Variants in NKAIN2 observed in about 807,000 individuals in gnomAD.
The protein encoded by NKAIN2 is sodium/potassium transporting ATPase interacting 2, also known as sodium/potassium-transporting ATPase subunit beta-1-interacting protein 2.
Under a neutral mutation model 32.6 loss-of-function variants are expected in NKAIN2, and 14 were observed. That is an observed-to-expected ratio of 0.43 (90% confidence interval 0.28 to 0.67). The LOEUF is 0.67. Among genes scored for constraint, NKAIN2 ranks in the 30% least tolerant of loss-of-function variants. The probability of loss-of-function intolerance (pLI) is 0.17; values close to 1 mark genes in which losing one functional copy is unlikely to be tolerated. For missense variants in NKAIN2, 198 were observed against 258.3 expected, an observed-to-expected ratio of 0.77 and a Z score of 1.60; for synonymous variants, 80 against 87.2, an observed-to-expected ratio of 0.92 and a Z score of 0.46.
At chr6:124,394,002 G>A (rs1007218578) in intron 3 of NKAIN2, among the ~76,000 whole-genome samples, 3 of 152,088 alleles carry the variant, frequency 2.0e-5, no homozygotes, top group Admixed American at 1.3e-4. Flanking sequence ...GACTTATTGA[G>A]TTTAAAGTCT....
At chr6:124,059,848 T>C (rs1310421894) in intron 1 of NKAIN2, among the ~76,000 whole-genome samples, 1 of 152,172 alleles carries the variant, frequency 6.6e-6, no homozygotes, top group Admixed American at 6.6e-5. Context: ...GCTCCTATTA[T>C]CTTTGCTTAT....
chr6:124,126,675 A>G (rs1280120494), intron 1 of NKAIN2, among the ~76,000 whole-genome samples: 1 of 152,228 alleles, frequency 6.6e-6, no homozygotes, highest in African/African-American at 2.4e-5. Context: ...TAATCCCAGC[A>G]TTTTGGGAGG....
intron 1 of NKAIN2, among the ~76,000 whole-genome samples, chr6:124,086,591 A>G (rs112762661): frequency 6.6e-6 from 1 of 152,070 alleles, no homozygotes; most frequent in Non-Finnish European, 1.5e-5. Flanking sequence ...TAAGAAGTCT[A>G]GTTAAAACAC....
rs1041335615 is a variant in NKAIN2, at chr6:123,804,074, C to G, written c.-127C>G. 1.5e-5 allele frequency: 13 copies of G among 864,938 alleles called. 1 individual carries two copies. In the Admixed American group the frequency reaches 1.5e-4, roughly 10 times the overall value. The allele number at this position is 864,938 out of a possible 1,614,324, so 53.6% of individuals were successfully genotyped here. A position where few individuals can be genotyped will look rare whatever the true frequency, so the allele number is the denominator to read the frequency against. On this transcript the variant is annotated 5_prime_UTR_variant, in exon 1 of 7. Coordinates refer to ENST00000368417, the MANE Select transcript of NKAIN2 (RefSeq NM_001040214.3). Reference sequence around the variant, plus strand: ...TCACTTCCCAGGACGCTGGCAGCAGCAGCAGCCCGGAGCCCCCGAGCCCTC... The same window carrying G: ...TCACTTCCCAGGACGCTGGCAGCAGGAGCAGCCCGGAGCCCCCGAGCCCTC...
chr6:123,842,758 A>G (rs933103964), intron 1 of NKAIN2, among the ~76,000 whole-genome samples: 1 of 152,110 alleles, frequency 6.6e-6, no homozygotes, highest in African/African-American at 2.4e-5. Context: ...GAAACTAGGA[A>G]CAGCTAAAGA....
chr6:123,928,059 A>G (rs558303254), intron 1 of NKAIN2, among the ~76,000 whole-genome samples: 5 of 152,302 alleles, frequency 3.3e-5, no homozygotes, highest in Admixed American at 6.5e-5. Flanking sequence ...ATGGCATACT[A>G]TGCAGCCACA....
intron 4 of NKAIN2, among the ~76,000 whole-genome samples, chr6:124,731,639 G>T (rs1306849894): frequency 6.6e-6 from 1 of 151,002 alleles, no homozygotes; most frequent in Non-Finnish European, 1.5e-5. Flanking sequence ...CAGTGCACCA[G>T]CATGGCACAT....
chr6:124,727,315 G>A (rs549496762), intron 4 of NKAIN2, among the ~76,000 whole-genome samples: 145 of 152,136 alleles, frequency 9.5e-4, no homozygotes, highest in Admixed American at 3.5e-3. Flanking sequence ...GAGAAAGGTC[G>A]GGTTACCCTC....
chr6:124,377,314 T>C (rs1370869120), intron 3 of NKAIN2, among the ~76,000 whole-genome samples: 2 of 152,214 alleles, frequency 1.3e-5, no homozygotes, highest in Admixed American at 6.5e-5. Context: ...ATCAATTACA[T>C]GGCCTGGGCC....
At chr6:124,147,724 G>A (rs1288386517) in intron 1 of NKAIN2, among the ~76,000 whole-genome samples, 1 of 152,074 alleles carries the variant, frequency 6.6e-6, no homozygotes, top group Non-Finnish European at 1.5e-5. Context: ...CAGCTGATAC[G>A]TGTTTGCTGT....
At chr6:124,814,073 A>G (rs1327397153) in intron 5 of NKAIN2, among the ~76,000 whole-genome samples, 1 of 152,204 alleles carries the variant, frequency 6.6e-6, no homozygotes, top group African/African-American at 2.4e-5. Flanking sequence ...TGAGAAGGAA[A>G]AAATACCTCT....
At chr6:123,893,975 C>A (rs1017508468) in intron 1 of NKAIN2, among the ~76,000 whole-genome samples, 13 of 152,086 alleles carry the variant, frequency 8.5e-5, no homozygotes, top group African/African-American at 3.1e-4. Flanking sequence ...AATTTAGGTT[C>A]ATTTATCTTA....
intron 1 of NKAIN2, among the ~76,000 whole-genome samples, chr6:124,187,580 G>T (rs1282703654): frequency 6.6e-6 from 1 of 152,112 alleles, no homozygotes; most frequent in Admixed American, 6.5e-5. Context: ...ACAAGAAACT[G>T]CATTTTTAAC....
At chr6:124,201,538 T>C (rs1409311193) in intron 1 of NKAIN2, among the ~76,000 whole-genome samples, 1 of 152,018 alleles carries the variant, frequency 6.6e-6, no homozygotes, top group Non-Finnish European at 1.5e-5. Flanking sequence ...CATGGATGTA[T>C]GCACATCTGT....
At chr6:124,143,918 A>G (rs1787263604) in intron 1 of NKAIN2, among the ~76,000 whole-genome samples, 1 of 152,214 alleles carries the variant, frequency 6.6e-6, no homozygotes, top group South Asian at 2.1e-4. Context: ...TATAACTATA[A>G]CTAAAGTTAG....
chr6:124,113,611 T>TC (rs1785482281), intron 1 of NKAIN2, among the ~76,000 whole-genome samples: 1 of 151,734 alleles, frequency 6.6e-6, no homozygotes, highest in Non-Finnish European at 1.5e-5. Context: ...GTTCTCTGTG[T>TC]CCCCCCGCCC....
At chr6:124,743,409 A>G (rs1251530042) in intron 4 of NKAIN2, among the ~76,000 whole-genome samples, 1 of 151,190 alleles carries the variant, frequency 6.6e-6, no homozygotes, top group Non-Finnish European at 1.5e-5. Context: ...TAAAATTAGT[A>G]CTTTAATAAT....
At chr6:124,066,541 G>A (rs753221008) in intron 1 of NKAIN2, among the ~76,000 whole-genome samples, 2 of 152,098 alleles carry the variant, frequency 1.3e-5, no homozygotes, top group Non-Finnish European at 2.9e-5. Flanking sequence ...GCTCATATAT[G>A]CATATGCACA....
At chr6:124,580,035 A>G (rs1781465967) in intron 3 of NKAIN2, among the ~76,000 whole-genome samples, 1 of 152,226 alleles carries the variant, frequency 6.6e-6, no homozygotes, top group African/African-American at 2.4e-5. Flanking sequence ...CTAGACAAAC[A>G]AAAGCTGAGG....
Sources: allele counts gnomAD v4.1 joint callset (sites outside exome capture counted in the v4.1 genomes callset), GRCh38; gene constraint gnomAD v4.1.1; transcripts MANE v1.5; gene names NCBI Gene and HGNC (gene_info 2026-07-23, HGNC 2026-07-21).